The following TMEM144 variants were observed in gnomAD, a reference collection of about 807,000 sequenced individuals.
TMEM144 encodes transmembrane protein 144.
In TMEM144, 39 loss-of-function variants were observed where a neutral mutation model predicts 43.6. The ratio of observed to expected loss-of-function variants is 0.90; its 90% CI spans 0.69 to 1.17. The LOEUF (loss-of-function observed/expected upper bound fraction) is 1.17, where lower values mean the gene tolerates loss of function less well. Ranked by LOEUF, TMEM144 falls within the 50% of genes most tolerant of loss-of-function variation. TMEM144 has a pLI of 0.00. For missense variants in TMEM144, 417 were observed against 411.9 expected (o/e 1.01, Z -0.11); for synonymous variants, 154 against 133.6 (o/e 1.15, Z -1.06).
chr4:158,248,570 C>A (rs184844376), intron 12 of TMEM144, among the ~76,000 whole-genome samples: 1 of 152,296 alleles, frequency 6.6e-6, no homozygotes, highest in African/African-American at 2.4e-5. Context: ...TAAATACTTA[C>A]ATGCCAATCA....
At chr4:158,213,055 A>G (rs907218035) in intron 3 of TMEM144, 1 of 505,038 alleles carries the variant, frequency 2.0e-6, no homozygotes, top group Non-Finnish European at 3.5e-6. Context: ...CAGTTCTACT[A>G]TAACACCTGT....
chr4:158,233,220 G>GAT (rs1487122526), intron 7 of TMEM144: 2 of 324,162 alleles, frequency 6.2e-6, no homozygotes, highest in African/African-American at 2.1e-5. Flanking sequence ...TCTACTAGGT[G>GAT]ATATATATAT....
chr4:158,228,018 AG>A (rs1288064752), intron 6 of TMEM144, among the ~76,000 whole-genome samples: 1 of 152,186 alleles, frequency 6.6e-6, no homozygotes, highest in Non-Finnish European at 1.5e-5. Flanking sequence ...ACGGGTAAAA[AG>A]GCACACACAC....
In TMEM144 at chr4:158,253,812, C is replaced by G. The variant is rs1736339685; in HGVS notation, c.*285C>G. ...TTATAGCATTACATACGAGGATGCT[C>G]TTTTTACCACAGTATGTACCTAGTG... On this transcript the variant is annotated 3_prime_UTR_variant, in exon 13 of 13. Coordinates refer to ENST00000296529, the MANE Select transcript of TMEM144 (RefSeq NM_018342.5). 4 of 368,444 alleles carry G rather than the reference C, an allele frequency of 1.1e-5. No individual in the cohort carries two copies. The highest frequency in any genetic ancestry group is 2.0e-5 in the Non-Finnish European group (4 of 197,580). 22.8% of individuals were successfully genotyped at this position (368,444 alleles called of 1,614,324 possible).
At position 158,240,393 on chromosome 4, in the gene TMEM144, A is replaced by T; in HGVS notation, c.777A>T (p.Lys259Asn). Residue 259 changes from lysine (K) to asparagine (N), a missense_variant, in exon 10 of 13, where the codon AAA becomes AAT. Transcript: ENST00000296529. Reference protein sequence around the residue: ...AYCIAMKNSPKLYPEAVLPGF... With the variant: ...AYCIAMKNSPNLYPEAVLPGF... ...GCATAGCCATGAAAAATAGTCCTAA[A>T]CTATATCCTGAAGCAGTCCTACCAG... The T allele has an allele frequency of 1.2e-6, 2 of 1,613,136 alleles. No individual in the cohort carries two copies. Among genetic ancestry groups the T allele is most frequent in the African/African-American group, 1.3e-5 (1 of 74,988 alleles).
intron 7 of TMEM144, 97 bp downstream of exon 7, chr4:158,233,079 C>A: frequency 1.2e-6 from 1 of 845,672 alleles, no homozygotes; most frequent in South Asian, 1.8e-5. Context: ...GTGGTGTTTG[C>A]TCATCACTCC....
chr4:158,253,770 CTAAAA>C lies in TMEM144; in HGVS notation c.*245_*249del, dbSNP rs1736337388. On this transcript the variant is annotated 3_prime_UTR_variant, in exon 13 of 13. Coordinates refer to ENST00000296529, the MANE Select transcript of TMEM144 (RefSeq NM_018342.5). ...ATGAAGGTAGTACTTTACTGGGTGA[CTAAAA>C]TGTCTACATTATTATAGCATTACAT... is the stretch of plus-strand genomic sequence containing the variant. 2.1e-6 allele frequency: 1 copy of C among 466,484 alleles called. No homozygotes were observed. The highest frequency in any genetic ancestry group is 2.3e-5 in the South Asian group (1 of 42,934). 28.9% of individuals were successfully genotyped at this position (466,484 alleles called of 1,614,324 possible).
intron 9 of TMEM144, among the ~76,000 whole-genome samples, chr4:158,239,081 G>A (rs766760151): frequency 2.6e-5 from 4 of 152,164 alleles, no homozygotes; most frequent in Non-Finnish European, 4.4e-5. Context: ...AGAGACGTGA[G>A]ATGATTTGTC....
intron 6 of TMEM144, among the ~76,000 whole-genome samples, chr4:158,226,177 G>A (rs1734757158): frequency 1.3e-5 from 2 of 152,116 alleles, no homozygotes; most frequent in Non-Finnish European, 2.9e-5. Flanking sequence ...TGATCCTCTA[G>A]TAAAATGAAT....
intron 11 of TMEM144, among the ~76,000 whole-genome samples, chr4:158,243,931 C>A (rs1170399127): frequency 6.6e-6 from 1 of 152,146 alleles, no homozygotes. Flanking sequence ...AAGTTAGAAG[C>A]TTGTGCACAC....
intron 10 of TMEM144, among the ~76,000 whole-genome samples, chr4:158,240,663 A>C (rs928832800): frequency 2.0e-5 from 3 of 152,190 alleles, no homozygotes; most frequent in African/African-American, 4.8e-5. Context: ...TACAGAACCT[A>C]AAACTTAAAC....
intron 6 of TMEM144, among the ~76,000 whole-genome samples, chr4:158,229,511 T>C (rs888373605): frequency 6.6e-6 from 1 of 152,058 alleles, no homozygotes; most frequent in Non-Finnish European, 1.5e-5. Flanking sequence ...AAGGCAGCAC[T>C]TTGACTGTCC....
intron 7 of TMEM144, 118 bp from the exon 8 acceptor site, chr4:158,235,320 G>A: frequency 9.6e-7 from 1 of 1,043,120 alleles, no homozygotes; most frequent in East Asian, 2.6e-5. Flanking sequence ...TAGGTGACAT[G>A]TTTATTATAT....
At chr4:158,231,394 T>A (rs1352617933) in intron 6 of TMEM144, among the ~76,000 whole-genome samples, 1 of 152,206 alleles carries the variant, frequency 6.6e-6, no homozygotes, top group Non-Finnish European at 1.5e-5. Context: ...CAATCTCCTA[T>A]AGTTCAAAGT....
chr4:158,244,423 G>T, intron 12 of TMEM144, 74 bp downstream of exon 12: 1 of 1,286,284 alleles, frequency 7.8e-7, no homozygotes, highest in Admixed American at 1.9e-5. Context: ...GCTTGTCCTG[G>T]CACTTTGGGA....
Position 158,245,583 on chromosome 4 carries a change from A to G in TMEM144, c.954+1234A>G, listed in dbSNP as rs542549831. Among the ~76,000 whole-genome samples, 10 of 152,264 alleles carry G rather than the reference A, an allele frequency of 6.6e-5. No homozygotes were observed. The South Asian group carries it at 1.2e-3, about 19-fold the overall frequency. On this transcript the variant is annotated intron_variant, in intron 12 of 12. Transcript: ENST00000296529. ...TGCTAAAAACACTACCAAGAACACA[A>G]TAAATGCTCAGTTAATTTTGGGGGT... is the stretch of plus-strand genomic sequence containing the variant.
chr4:158,223,789 C>T (rs1432795830), intron 6 of TMEM144, among the ~76,000 whole-genome samples: 1 of 152,216 alleles, frequency 6.6e-6, no homozygotes, highest in Non-Finnish European at 1.5e-5. Context: ...ATATGTACCA[C>T]ACTTTCTTTA....
chr4:158,249,087 A>C (rs1736041261), intron 12 of TMEM144, among the ~76,000 whole-genome samples: 1 of 152,058 alleles, frequency 6.6e-6, no homozygotes, highest in Non-Finnish European at 1.5e-5. Flanking sequence ...TTGTATTTTT[A>C]GTAGAGACGG....
chr4:158,212,553 C>A, intron 2 of TMEM144, 55 bp from the exon 3 acceptor site: 1 of 706,712 alleles, frequency 1.4e-6, no homozygotes, highest in Non-Finnish European at 2.3e-6. Flanking sequence ...ATATGTTAAT[C>A]ACAATTTGGT....
Sources: allele counts gnomAD v4.1 joint callset (sites outside exome capture counted in the v4.1 genomes callset), GRCh38; gene constraint gnomAD v4.1.1; transcripts MANE v1.5; gene names NCBI Gene and HGNC (gene_info 2026-07-23, HGNC 2026-07-21).